SPATA13: variants seen among roughly 807,000 people sequenced by gnomAD.
The protein encoded by SPATA13 is spermatogenesis associated 13.
SPATA13 carries 50 observed loss-of-function variants against 104.0 expected under a neutral mutation model. The ratio of observed to expected loss-of-function variants is 0.48; its 90% confidence interval spans 0.38 to 0.61. The LOEUF (loss-of-function observed/expected upper bound fraction) is 0.61. Ranked by LOEUF, SPATA13 falls within the 20% of genes least tolerant of loss-of-function variation. The pLI is 0.00. For synonymous variants in SPATA13, 606 were observed against 667.5 expected (o/e 0.91, Z 1.42); for missense variants, 1,524 against 1,690.6 (o/e 0.90, Z 1.73).
intron 1 of SPATA13, among the ~76,000 whole-genome samples, chr13:24,214,853 T>G (rs1871196771): frequency 6.6e-6 from 1 of 152,248 alleles, no homozygotes; most frequent in Admixed American, 6.5e-5. Context: ...TTAGTGATTC[T>G]TTAGTTTTCC....
At chr13:24,034,070 G>A (rs1366553087) in intron 3 of SPATA13, 1 of 152,142 alleles carries the variant, frequency 6.6e-6, no homozygotes. Context: ...CCATAAGGGT[G>A]GCTTCCTCCA....
At chr13:24,103,817 C>G (rs1337786167) in intron 3 of SPATA13, among the ~76,000 whole-genome samples, 1 of 152,050 alleles carries the variant, frequency 6.6e-6, no homozygotes, top group Non-Finnish European at 1.5e-5. Context: ...ACATCCCTTT[C>G]CAGAGAATTT....
intron 3 of SPATA13, among the ~76,000 whole-genome samples, chr13:24,120,191 C>T (rs370637722): frequency 4.0e-5 from 6 of 151,468 alleles, no homozygotes; most frequent in South Asian, 2.1e-4. Context: ...ATTCTGTTTC[C>T]GCCTCTGAAA....
chr13:24,062,906 T>A (rs1211004315), intron 3 of SPATA13, among the ~76,000 whole-genome samples: 1 of 152,146 alleles, frequency 6.6e-6, no homozygotes, highest in Non-Finnish European at 1.5e-5. Flanking sequence ...TGGATGGCAT[T>A]CTGTGGTCAT....
intron 4 of SPATA13, chr13:24,270,609 A>G (rs1020797739): frequency 4.0e-6 from 3 of 742,096 alleles, no homozygotes; most frequent in Non-Finnish European, 6.3e-6. Flanking sequence ...GCCTTAGTTT[A>G]GAATTCTCTC....
chr13:24,094,736 A>G (rs1283859048), intron 3 of SPATA13, among the ~76,000 whole-genome samples: 1 of 152,106 alleles, frequency 6.6e-6, no homozygotes, highest in East Asian at 1.9e-4. Context: ...TAGCCACTGC[A>G]CTCCAGCCTG....
chr13:24,278,814 A>G (rs539356733), intron 4 of SPATA13: 2 of 1,597,500 alleles, frequency 1.3e-6, no homozygotes, highest in African/African-American at 2.7e-5. Context: ...CATCGCTATC[A>G]TTTGAAGGCA....
intron 3 of SPATA13, among the ~76,000 whole-genome samples, chr13:24,062,691 G>A (rs566766753): frequency 1.3e-5 from 2 of 152,118 alleles, no homozygotes; most frequent in Non-Finnish European, 2.9e-5. Flanking sequence ...CACCTGAGCT[G>A]TACTGAATAA....
chr13:24,005,220 T>G (rs1225656376), intron 2 of SPATA13, among the ~76,000 whole-genome samples: 4 of 152,222 alleles, frequency 2.6e-5, no homozygotes, highest in Non-Finnish European at 5.9e-5. Context: ...TCTGGTAGCC[T>G]GGCTATTGTG....
Position 24,286,279 on chromosome 13 carries a change from G to A in SPATA13, c.2367G>A (p.Gln789=). 1 of 1,614,096 alleles carries A rather than the reference G, an allele frequency of 6.2e-7. No homozygotes were observed. Among genetic ancestry groups the A allele is most frequent in the Non-Finnish European group, 8.5e-7 (1 of 1,180,054 alleles). ...GGGACCATGTGACCATGGATGACCA[G>A]GAACTGGGCTTCAAAGCCGGGGATG... ...ALWDHVTMDD[Q]ELGFKAGDVI... The change falls in exon 6 of 13, where the codon CAG becomes CAA. Residue 789 remains glutamine, a synonymous_variant. Transcript: ENST00000382108. The surrounding 1 kb of genome is among the most constrained non-coding windows in gnomAD (Gnocchi z 4.9).
At chr13:24,042,200 G>C (rs1293443251) in intron 3 of SPATA13, among the ~76,000 whole-genome samples, 1 of 152,168 alleles carries the variant, frequency 6.6e-6, no homozygotes, top group Non-Finnish European at 1.5e-5. Context: ...GGGTCCAGAA[G>C]GTCGTTCTGT....
chr13:24,016,429 G>A (rs570145115), intron 2 of SPATA13, among the ~76,000 whole-genome samples: 30 of 152,304 alleles, frequency 2.0e-4, no homozygotes, highest in Admixed American at 3.3e-4. Context: ...GACTTCTCAC[G>A]TTTCTCAAAT....
intron 3 of SPATA13, among the ~76,000 whole-genome samples, chr13:24,077,627 A>T (rs933920334): frequency 3.5e-4 from 47 of 135,872 alleles, no homozygotes; most frequent in Admixed American, 9.0e-4. Context: ...AATAAAATTT[A>T]AAAAAAAAAG....
At chr13:24,094,014 A>G (rs928047076) in intron 3 of SPATA13, among the ~76,000 whole-genome samples, 1 of 152,212 alleles carries the variant, frequency 6.6e-6, no homozygotes, top group African/African-American at 2.4e-5. Context: ...GGATGTAAAC[A>G]GTAGATGTCA....
intron 3 of SPATA13, among the ~76,000 whole-genome samples, chr13:24,049,683 C>T (rs1478462238): frequency 5.9e-5 from 9 of 151,940 alleles, no homozygotes; most frequent in Non-Finnish European, 1.0e-4. Context: ...ACTAAAAACA[C>T]GAAACTGATG....
At chr13:24,074,482 A>G (rs912953912) in intron 3 of SPATA13, among the ~76,000 whole-genome samples, 2 of 150,132 alleles carry the variant, frequency 1.3e-5, no homozygotes, top group African/African-American at 4.9e-5. Flanking sequence ...GTATATGCTT[A>G]GCACATTTAA....
intron 1 of SPATA13, among the ~76,000 whole-genome samples, chr13:24,217,714 G>A (rs1240778460): frequency 6.6e-6 from 1 of 152,184 alleles, no homozygotes; most frequent in African/African-American, 2.4e-5. Context: ...CCAGCCCCTG[G>A]GCTGGAGTGG....
At chr13:23,984,073 C>T in intron 2 of SPATA13, 1 of 388,496 alleles carries the variant, frequency 2.6e-6, no homozygotes, top group Non-Finnish European at 3.5e-6. Flanking sequence ...GAGCAACTAA[C>T]AAGGGTGTAA....
chr13:24,046,564 G>T (rs1462998876), intron 3 of SPATA13, among the ~76,000 whole-genome samples: 6 of 105,282 alleles, frequency 5.7e-5, no homozygotes, highest in African/African-American at 2.5e-4. Flanking sequence ...TTTGTGTCTG[G>T]CCTCTTTCAC....
Sources: gnomAD v4.1 joint callset for allele counts (sites outside exome capture counted in the v4.1 genomes callset) on GRCh38, gnomAD v4.1.1 for gene constraint, Gnocchi (gnomAD v3.1) non-coding constraint, MANE v1.5 for transcripts, NCBI Gene and HGNC (gene_info 2026-07-23, HGNC 2026-07-21) for gene names.